PCSK6: variants seen among roughly 807,000 people sequenced by gnomAD.
The protein encoded by PCSK6 is paired basic amino acid cleaving enzyme 4.
PCSK6 carries 85 observed loss-of-function variants against 123.3 expected under a neutral mutation model. That is an observed-to-expected ratio of 0.69 (90% CI 0.58 to 0.83). PCSK6 has a LOEUF of 0.83. Among genes scored for constraint, PCSK6 ranks in the 40% least tolerant of loss-of-function variants. The probability of loss-of-function intolerance (pLI) is 0.00; values close to 1 mark genes in which losing one functional copy is unlikely to be tolerated. For synonymous variants in PCSK6, 508 were observed against 516.0 expected (o/e 0.98, Z 0.21); for missense variants, 1,191 against 1,282.3 (o/e 0.93, Z 1.09).
chr15:101,313,263 G>A (rs2039910041), intron 20 of PCSK6, 113 bp downstream of exon 20: 6 of 1,581,260 alleles, frequency 3.8e-6, no homozygotes, highest in Admixed American at 3.7e-5. Context: ...TCCACAGTGG[G>A]GTGATGCAAC....
At chr15:101,327,700 T>C (rs922172010) in intron 15 of PCSK6, among the ~76,000 whole-genome samples, 2 of 152,174 alleles carry the variant, frequency 1.3e-5, no homozygotes, top group Admixed American at 1.3e-4. Flanking sequence ...AGTGGGGTTT[T>C]GCTGGGGCAC....
In PCSK6 at chr15:101,369,414, A is replaced by G. The variant is rs563985391; in HGVS notation, c.1721+921T>C. The stretch of plus-strand genomic sequence containing the variant: ...TAGCCTACACAAGGGCCACAGCCTC[A>G]GGCAGGTCACCAAAGGAGTCAAGTG... On this transcript the variant is annotated intron_variant, in intron 12 of 21. Coordinates refer to ENST00000611716, the MANE Select transcript of PCSK6 (RefSeq NM_002570.5). Among the ~76,000 whole-genome samples the G allele has an allele frequency of 3.8e-3, 574 of 152,350 alleles. 3 individuals are homozygous for G. The highest frequency in any genetic ancestry group is 4.2e-3 in the Non-Finnish European group (288 of 68,030).
rs1312032503 is a variant in PCSK6, at chr15:101,348,177, C to CCGCCCCTACG, written c.1859-16147_1859-16146insCGTAGGGGCG. 5.3e-5 allele frequency among the ~76,000 whole-genome samples: 8 copies of CCGCCCCTACG among 152,214 alleles called. No individual in the cohort carries two copies. In the South Asian group the frequency reaches 6.2e-4, roughly 12 times the overall value. ...CGGGGTCCCGCTGGGTCGGACCGGC[C>CCGCCCCTACG]CCTGCGCCTCCGCTGCTCCTCCCCG... is the stretch of plus-strand genomic sequence containing the variant. On this transcript the variant is annotated intron_variant, in intron 13 of 21. Transcript: ENST00000611716.
At chr15:101,308,462 C>G (rs28678774) in intron 20 of PCSK6, 1 of 152,266 alleles carries the variant, frequency 6.6e-6, no homozygotes, top group East Asian at 1.9e-4. Flanking sequence ...GGTCTCACCA[C>G]GGACTCCGCT....
chr15:101,430,079 G>C lies in PCSK6; in HGVS notation c.658-16C>G, dbSNP rs76959991. ...CGTAGGAATCCTAAGAAATGGAATC[G>C]TGGTGAGTGAGGAGAAATGGCATGT... On this transcript the variant is annotated splice_polypyrimidine_tract_variant and intron_variant, in intron 4 of 21. Transcript: ENST00000611716. The C allele has an allele frequency of 1.2e-6, 2 of 1,609,348 alleles. No individual in the cohort carries two copies. Among genetic ancestry groups the C allele is most frequent in the East Asian group, 2.2e-5 (1 of 44,860 alleles).
At chr15:101,357,336 C>T (rs2041072406) in intron 13 of PCSK6, among the ~76,000 whole-genome samples, 1 of 152,212 alleles carries the variant, frequency 6.6e-6, no homozygotes, top group Non-Finnish European at 1.5e-5. Flanking sequence ...CAGTTCATAC[C>T]TCGGCATCGA....
At chr15:101,440,427 C>T (rs188584747) in intron 2 of PCSK6, among the ~76,000 whole-genome samples, 1 of 151,332 alleles carries the variant, frequency 6.6e-6, no homozygotes, top group Non-Finnish European at 1.5e-5. Context: ...GCTGCTGACA[C>T]CCCCTTGAGT....
intron 14 of PCSK6, 22 bp from the exon 15 acceptor site, chr15:101,331,711 T>C (rs2040374139): frequency 1.2e-6 from 2 of 1,600,108 alleles, no homozygotes; most frequent in Non-Finnish European, 1.7e-6. Flanking sequence ...CAAATTGCCA[T>C]GATTATTATG....
chr15:101,362,781 T>C (rs2041271584), intron 13 of PCSK6, among the ~76,000 whole-genome samples: 1 of 152,084 alleles, frequency 6.6e-6, no homozygotes, highest in Non-Finnish European at 1.5e-5. Context: ...TCACAGGTAT[T>C]TGTAAGAGTT....
intron 15 of PCSK6, among the ~76,000 whole-genome samples, chr15:101,327,656 G>A (rs914746699): frequency 4.6e-5 from 7 of 152,190 alleles, no homozygotes; most frequent in South Asian, 4.1e-4. Context: ...GGGACTTGAG[G>A]AAAAGACAAA....
chr15:101,367,058 A>G (rs957634792), intron 12 of PCSK6, among the ~76,000 whole-genome samples: 2 of 151,918 alleles, frequency 1.3e-5, no homozygotes, highest in African/African-American at 4.8e-5. Context: ...GGGGGAGGAG[A>G]CAGCTCCCCC....
intron 5 of PCSK6, 139 bp from the exon 6 acceptor site, chr15:101,428,119 C>T: frequency 1.4e-6 from 1 of 695,744 alleles, no homozygotes; most frequent in Non-Finnish European, 2.5e-6. Context: ...CCTGCATCCC[C>T]TCTCATCACC....
chr15:101,478,072 C>T (rs1474115326), intron 1 of PCSK6, among the ~76,000 whole-genome samples: 1 of 152,120 alleles, frequency 6.6e-6, no homozygotes, highest in South Asian at 2.1e-4. Flanking sequence ...AGCTCCGTGG[C>T]GGCTCACATG....
At chr15:101,332,131 G>A in intron 13 of PCSK6, 100 bp from the exon 14 acceptor site, 2 of 1,111,170 alleles carry the variant, frequency 1.8e-6, no homozygotes, top group Non-Finnish European at 2.5e-6. Context: ...CTGATAGCTG[G>A]GCTCTGGCCT....
At chr15:101,428,101 G>T in intron 5 of PCSK6, 121 bp from the exon 6 acceptor site, 1 of 812,268 alleles carries the variant, frequency 1.2e-6, no homozygotes, top group Non-Finnish European at 2.0e-6. Context: ...TGTCATTAAA[G>T]CCCATTTCCT....
intron 11 of PCSK6, among the ~76,000 whole-genome samples, chr15:101,381,335 G>A (rs969998542): frequency 6.6e-6 from 1 of 152,140 alleles, no homozygotes; most frequent in Non-Finnish European, 1.5e-5. Flanking sequence ...CTGCACTCCA[G>A]CCTGGGCAAC....
At position 101,305,072 on chromosome 15, in the gene PCSK6, T is replaced by C; in HGVS notation, c.*186A>G. On this transcript the variant is annotated 3_prime_UTR_variant, in exon 22 of 22. Transcript: ENST00000611716. This position sits in a 1 kb window ranked among gnomAD's most constrained non-coding sequence, Gnocchi z 4.8. ...AGCAGCATTTGAGAGGATATCACCA[T>C]TTTAGGAACACCTCCTTAAGAGCCA... The C allele has an allele frequency of 1.7e-6, 1 of 580,422 alleles. No individual in the cohort carries two copies. Among genetic ancestry groups the C allele is most frequent in the Non-Finnish European group, 3.1e-6 (1 of 324,446 alleles). The allele number at this position is 580,422 out of a possible 1,614,324, so 36.0% of individuals were successfully genotyped here. A position where few individuals can be genotyped will look rare whatever the true frequency, so the allele number is the denominator to read the frequency against.
At chr15:101,364,046 G>A (rs774657165) in intron 13 of PCSK6, among the ~76,000 whole-genome samples, 4 of 152,248 alleles carry the variant, frequency 2.6e-5, no homozygotes, top group East Asian at 3.9e-4. Flanking sequence ...AATTTTCCAC[G>A]TAAGGCAAGT....
In PCSK6 at chr15:101,312,680, C is replaced by CA. The variant is rs2141337831; in HGVS notation, c.2699+695dup. 2.0e-5 allele frequency among the ~76,000 whole-genome samples: 3 copies of CA among 152,168 alleles called. No homozygotes were observed. In the East Asian group the frequency reaches 5.8e-4, roughly 29 times the overall value. ...ACCCGGTCTCTATTAAAAATACAAA[C>CA]AATTAGTGGGGAGTGGTGGCGGGTG... On this transcript the variant is annotated intron_variant, in intron 20 of 21. Coordinates refer to ENST00000611716, the MANE Select transcript of PCSK6 (RefSeq NM_002570.5).
Sources: allele counts gnomAD v4.1 joint callset (sites outside exome capture counted in the v4.1 genomes callset), GRCh38; gene constraint gnomAD v4.1.1; non-coding constraint Gnocchi (gnomAD v3.1); transcripts MANE v1.5; gene names NCBI Gene and HGNC (gene_info 2026-07-23, HGNC 2026-07-21).